The following TMEM192 variants were observed in gnomAD, a reference collection of about 807,000 sequenced individuals.
The protein encoded by TMEM192 is transmembrane protein 192.
A neutral mutation model predicts 26.7 loss-of-function variants in TMEM192; 20 were observed. The ratio of observed to expected loss-of-function variants is 0.75; its 90% CI spans 0.53 to 1.09. TMEM192 has a LOEUF of 1.09. Ranked by LOEUF, TMEM192 falls within the 50% of genes least tolerant of loss-of-function variation. The probability of loss-of-function intolerance (pLI) is 0.00; values close to 1 mark genes in which losing one functional copy is unlikely to be tolerated. For missense variants in TMEM192, 304 were observed against 322.6 expected, an observed-to-expected ratio of 0.94 and a Z score of 0.44; for synonymous variants, 124 against 121.0, an observed-to-expected ratio of 1.02 and a Z score of -0.16.
intron 5 of TMEM192, among the ~76,000 whole-genome samples, chr4:165,085,133 G>A (rs1734580392): frequency 6.6e-6 from 1 of 152,048 alleles, no homozygotes; most frequent in African/African-American, 2.4e-5. Flanking sequence ...AATTAGCCAA[G>A]CGTGGTGGTG....
At position 165,073,540 on chromosome 4, in the gene TMEM192, C is replaced by A. The variant is rs1159089026; in HGVS notation, c.*6118G>T. 1 of 151,974 alleles carries A rather than the reference C, an allele frequency of 6.6e-6. No individual in the cohort carries two copies. The highest frequency in any genetic ancestry group is 1.5e-5 in the Non-Finnish European group (1 of 68,034). 9.4% of individuals were successfully genotyped at this position (151,974 alleles called of 1,614,324 possible). On this transcript the variant is annotated 3_prime_UTR_variant, in exon 6 of 6. Coordinates refer to ENST00000306480, the MANE Select transcript of TMEM192 (RefSeq NM_001100389.2). ...GGAAAGGCCTTACCATCCCCCAGCCCGACACCTGTAAAGGGTCTGTGCTGA... is the reference window on the plus strand; with the variant it reads ...GGAAAGGCCTTACCATCCCCCAGCCAGACACCTGTAAAGGGTCTGTGCTGA...
In TMEM192 at chr4:165,104,083, A is replaced by C. The variant is rs575192820; in HGVS notation, c.28-987T>G. ...GGTTGCAGTGAGCCGAGATTGCGCC[A>C]CTGCACTCCAGCCTGGGCGACAGAG... On this transcript the variant is annotated intron_variant, in intron 1 of 5. Transcript: ENST00000306480. Among the ~76,000 whole-genome samples the C allele has an allele frequency of 7.2e-5, 11 of 152,326 alleles. 1 individual carries two copies. The South Asian group carries it at 1.7e-3, about 23-fold the overall frequency.
At chr4:165,102,137 A>C (rs1456433743) in intron 2 of TMEM192, among the ~76,000 whole-genome samples, 2 of 152,054 alleles carry the variant, frequency 1.3e-5, no homozygotes, top group Non-Finnish European at 2.9e-5. Flanking sequence ...GTTTTTATAA[A>C]CTCCAGATAG....
intron 1 of TMEM192, among the ~76,000 whole-genome samples, 166 bp from the exon 2 acceptor site, chr4:165,103,262 T>A (rs1056167449): frequency 1.3e-5 from 2 of 152,002 alleles, no homozygotes; most frequent in African/African-American, 2.4e-5. Flanking sequence ...TAATTTAATT[T>A]AATTAATTAA....
rs1734540511 is a variant in TMEM192, at chr4:165,083,017, G to C, written c.677+2569C>G. On this transcript the variant is annotated intron_variant, in intron 5 of 5. Coordinates refer to ENST00000306480, the MANE Select transcript of TMEM192 (RefSeq NM_001100389.2). ...CACAAAGTACTGGGATTACAGGCGT[G>C]AGCCACCACGTCCGGCATAAACTGA... Among the ~76,000 whole-genome samples, 5 of 40,094 alleles carry C rather than the reference G, an allele frequency of 1.2e-4. 2 individuals carry two copies. The South Asian group carries it at 5.4e-3, about 43-fold the overall frequency. The allele number at this position is 40,094 out of a possible 152,430, so 26.3% of individuals were successfully genotyped here. A position where few individuals can be genotyped will look rare whatever the true frequency, so the allele number is the denominator to read the frequency against.
At chr4:165,111,340 T>C (rs746272015) in intron 1 of TMEM192, among the ~76,000 whole-genome samples, 6 of 152,166 alleles carry the variant, frequency 3.9e-5, no homozygotes, top group Non-Finnish European at 8.8e-5. Flanking sequence ...GTTATCTGCC[T>C]GCCTCGGCCT....
intron 5 of TMEM192, 75 bp from the exon 6 acceptor site, chr4:165,079,871 A>G (rs1327580036): frequency 1.5e-5 from 22 of 1,420,154 alleles, no homozygotes; most frequent in South Asian, 3.0e-5. Context: ...ATGAGTACCT[A>G]CTAGTTTTTA....
At chr4:165,089,436 C>G (rs1277679062) in intron 3 of TMEM192, among the ~76,000 whole-genome samples, 3 of 152,166 alleles carry the variant, frequency 2.0e-5, no homozygotes, top group African/African-American at 7.2e-5. Flanking sequence ...ATTCTCCTGC[C>G]TCAGCCTCCC....
Position 165,078,356 on chromosome 4 carries a change from G to A in TMEM192, c.*1302C>T, listed in dbSNP as rs1734436264. 2 of 152,066 alleles carry A rather than the reference G, an allele frequency of 1.3e-5. No individual in the cohort carries two copies. Among genetic ancestry groups the A allele is most frequent in the South Asian group, 2.1e-4 (1 of 4,818 alleles). 9.4% of individuals were successfully genotyped at this position (152,066 alleles called of 1,614,324 possible). ...CATATAACAGTGCTAACAGCAAACT[G>A]ACAAATTAAAGGGGCATACTAGGAA... On this transcript the variant is annotated 3_prime_UTR_variant, in exon 6 of 6. Transcript: ENST00000306480.
At chr4:165,092,814 C>T (rs553975276) in intron 3 of TMEM192, among the ~76,000 whole-genome samples, 231 of 152,072 alleles carry the variant, frequency 1.5e-3, no homozygotes, top group African/African-American at 5.1e-3. Flanking sequence ...TGAGGCTACA[C>T]TGAGCTATGA....
chr4:165,109,347 A>T (rs147095480), intron 1 of TMEM192, among the ~76,000 whole-genome samples: 106 of 152,204 alleles, frequency 7.0e-4, no homozygotes, highest in African/African-American at 2.5e-3. Flanking sequence ...GACCTGGGAA[A>T]TTTTTATTTA....
intron 3 of TMEM192, among the ~76,000 whole-genome samples, chr4:165,094,002 C>A (rs532155308): frequency 6.6e-6 from 1 of 152,304 alleles, no homozygotes; most frequent in East Asian, 1.9e-4. Context: ...CAGGTTCAAG[C>A]GATTCTTCTG....
intron 3 of TMEM192, among the ~76,000 whole-genome samples, chr4:165,092,987 A>G (rs945317862): frequency 3.3e-5 from 5 of 151,856 alleles, no homozygotes; most frequent in African/African-American, 1.2e-4. Context: ...GCTACCTTCT[A>G]GCAAGCCCAC....
At chr4:165,087,566 G>A (rs1478826333) in intron 4 of TMEM192, among the ~76,000 whole-genome samples, 1 of 152,168 alleles carries the variant, frequency 6.6e-6, no homozygotes, top group Non-Finnish European at 1.5e-5. Context: ...AAATTTTGAA[G>A]AAAATTATGT....
intron 4 of TMEM192, among the ~76,000 whole-genome samples, chr4:165,087,840 T>C (rs1734658747): frequency 6.6e-6 from 1 of 152,194 alleles, no homozygotes; most frequent in Non-Finnish European, 1.5e-5. Flanking sequence ...GGCCTATTTC[T>C]TAATTTTTAA....
intron 1 of TMEM192, among the ~76,000 whole-genome samples, chr4:165,107,770 C>A (rs893193005): frequency 6.6e-6 from 1 of 152,166 alleles, no homozygotes; most frequent in Non-Finnish European, 1.5e-5. Flanking sequence ...AATGCTTGTC[C>A]CAGCAAAACC....
chr4:165,085,455 A>G, intron 5 of TMEM192, 131 bp downstream of exon 5: 2 of 648,974 alleles, frequency 3.1e-6, no homozygotes, highest in Non-Finnish European at 5.2e-6. Flanking sequence ...ATTTCACCAC[A>G]GCTGAAAGGA....
intron 5 of TMEM192, among the ~76,000 whole-genome samples, chr4:165,085,124 A>G (rs1172997853): frequency 1.3e-5 from 2 of 152,050 alleles, no homozygotes; most frequent in Non-Finnish European, 2.9e-5. Flanking sequence ...AAAATACAAA[A>G]TTAGCCAAGC....
At position 165,085,646 on chromosome 4, in the gene TMEM192, A is replaced by G. The variant is rs754714775; in HGVS notation, c.617T>C (p.Ile206Thr). 2 of 1,612,824 alleles carry G rather than the reference A, an allele frequency of 1.2e-6. No homozygotes were observed. The highest frequency in any genetic ancestry group is 4.5e-5 in the East Asian group (2 of 44,804). ...RFNKAKPEPDILEEEKIYAYP... is the reference protein window; with the variant it reads ...RFNKAKPEPDTLEEEKIYAYP... ...AGCATAGATTTTTTCTTCTTCAAGT[A>G]TATCAGGCTCTGGTTTAGCTTTATT... The change falls in exon 5 of 6, where the codon ATA (isoleucine) becomes ACA (threonine). Residue 206 changes from isoleucine to threonine, a missense_variant. By Grantham distance (89) the Ile-to-Thr change is moderately conservative. Transcript: ENST00000306480.
Sources: allele counts gnomAD v4.1 joint callset (sites outside exome capture counted in the v4.1 genomes callset), GRCh38; gene constraint gnomAD v4.1.1; transcripts MANE v1.5; gene names NCBI Gene and HGNC (gene_info 2026-07-23, HGNC 2026-07-21).